RYR3: variants seen among roughly 807,000 people sequenced by gnomAD.
The protein encoded by RYR3 is brain ryanodine receptor-calcium release channel.
Under a neutral mutation model 584.3 loss-of-function variants are expected in RYR3, and 207 were observed. The observed-to-expected ratio is 0.35, with a 90% CI of 0.32 to 0.40. The LOEUF is 0.40. RYR3 is among the 10% of genes least tolerant of loss of function. The probability of loss-of-function intolerance (pLI) is 1.00; values close to 1 mark genes in which losing one functional copy is unlikely to be tolerated. For missense variants in RYR3, 5,616 were observed against 6,089.2 expected (o/e 0.92, Z 2.59); for synonymous variants, 2,416 against 2,248.5 (o/e 1.07, Z -2.11).
intron 10 of RYR3, among the ~76,000 whole-genome samples, chr15:33,561,947 C>T (rs967085037): frequency 6.6e-6 from 1 of 151,574 alleles, no homozygotes; most frequent in East Asian, 1.9e-4. Flanking sequence ...AAATAGGCAA[C>T]AGCCGTTTTT....
intron 45 of RYR3, 76 bp downstream of exon 45, chr15:33,724,252 T>G (rs1319317905): frequency 3.9e-6 from 3 of 778,050 alleles, no homozygotes; most frequent in Non-Finnish European, 6.3e-6. Context: ...GAACCTCATT[T>G]CTTCCTCTGT....
At chr15:33,862,613 G>T (rs1708385148) in intron 102 of RYR3, among the ~76,000 whole-genome samples, 1 of 152,088 alleles carries the variant, frequency 6.6e-6, no homozygotes. Context: ...TCAAAAACAT[G>T]AGTTTTGTTT....
Position 33,861,312 on chromosome 15 carries a change from T to C in RYR3, c.14465+134T>C, listed in dbSNP as rs533462120. On this transcript the variant is annotated intron_variant, in intron 102 of 103. Coordinates refer to ENST00000634891, the MANE Select transcript of RYR3 (RefSeq NM_001036.6). ...CAGGAGTCCCCATGAGCCTGTACCT[T>C]TGTCCATAGACTCTGTCTCTCCCAT... is the stretch of plus-strand genomic sequence containing the variant. 65 of 596,920 alleles carry C rather than the reference T, an allele frequency of 1.1e-4. No homozygotes were observed. The Admixed American group carries it at 1.4e-3, about 13-fold the overall frequency. The allele number at this position is 596,920 out of a possible 1,614,324, so 37.0% of individuals were successfully genotyped here.
At chr15:33,403,408 G>A (rs945860259) in intron 1 of RYR3, among the ~76,000 whole-genome samples, 1 of 152,208 alleles carries the variant, frequency 6.6e-6, no homozygotes, top group African/African-American at 2.4e-5. Flanking sequence ...ATACAGAGAA[G>A]TGCTGACTTT....
At chr15:33,459,862 G>T (rs2047868526) in intron 1 of RYR3, among the ~76,000 whole-genome samples, 1 of 152,188 alleles carries the variant, frequency 6.6e-6, no homozygotes, top group Non-Finnish European at 1.5e-5. Context: ...ATTATTGCAA[G>T]TGAGGATTCA....
intron 1 of RYR3, among the ~76,000 whole-genome samples, chr15:33,323,826 A>G (rs777681441): frequency 1.6e-4 from 25 of 152,292 alleles, no homozygotes; most frequent in Middle Eastern, 3.4e-3. Flanking sequence ...TGGCTGTGCT[A>G]AGTGCATGCC....
At chr15:33,588,465 T>C (rs1463510373) in intron 16 of RYR3, among the ~76,000 whole-genome samples, 1 of 152,230 alleles carries the variant, frequency 6.6e-6, no homozygotes, top group Non-Finnish European at 1.5e-5. Context: ...CTTTGCTTTT[T>C]TTATTTATAA....
intron 18 of RYR3, among the ~76,000 whole-genome samples, chr15:33,607,278 C>T (rs192230090): frequency 6.6e-6 from 1 of 152,310 alleles, no homozygotes; most frequent in East Asian, 1.9e-4. Context: ...TGTAATAATA[C>T]ACCCTGAGGT....
At chr15:33,449,830 G>T (rs1302990028) in intron 1 of RYR3, among the ~76,000 whole-genome samples, 3 of 152,108 alleles carry the variant, frequency 2.0e-5, no homozygotes, top group African/African-American at 7.2e-5. Flanking sequence ...GGTGTGAAAG[G>T]AAGGTATTTA....
At chr15:33,318,448 G>T (rs1451885026) in intron 1 of RYR3, among the ~76,000 whole-genome samples, 1 of 152,202 alleles carries the variant, frequency 6.6e-6, no homozygotes, top group African/African-American at 2.4e-5. Flanking sequence ...TACCACTGAT[G>T]ATTAACATCA....
intron 93 of RYR3, among the ~76,000 whole-genome samples, chr15:33,847,963 C>T (rs1225919359): frequency 6.6e-6 from 1 of 152,176 alleles, no homozygotes; most frequent in Non-Finnish European, 1.5e-5. Flanking sequence ...AGCCGAGGAG[C>T]CTTAGGAGTC....
chr15:33,824,787 T>G (rs1370157938), intron 81 of RYR3, among the ~76,000 whole-genome samples: 2 of 152,208 alleles, frequency 1.3e-5, no homozygotes, highest in Non-Finnish European at 2.9e-5. Context: ...GCCATAAACT[T>G]TCCTAAGAGC....
At chr15:33,440,657 G>A (rs969862084) in intron 1 of RYR3, among the ~76,000 whole-genome samples, 1 of 152,096 alleles carries the variant, frequency 6.6e-6, no homozygotes, top group Non-Finnish European at 1.5e-5. Flanking sequence ...ATTCTCCAAC[G>A]TGGAATTTCT....
At chr15:33,757,355 T>G (rs779676165) in intron 59 of RYR3, 120 bp from the exon 60 acceptor site, 3 of 1,134,126 alleles carry the variant, frequency 2.6e-6, no homozygotes, top group Non-Finnish European at 3.8e-6. Flanking sequence ...TAGAATTTCC[T>G]GGAAATTACA....
chr15:33,673,536 C>G (rs74005946), intron 38 of RYR3, among the ~76,000 whole-genome samples: 4 of 151,872 alleles, frequency 2.6e-5, no homozygotes, highest in Non-Finnish European at 4.4e-5. Context: ...ACTTTTTTTT[C>G]GTATCTCCAT....
intron 43 of RYR3, among the ~76,000 whole-genome samples, chr15:33,712,748 G>A (rs1034097620): frequency 6.6e-6 from 1 of 152,208 alleles, no homozygotes; most frequent in African/African-American, 2.4e-5. Flanking sequence ...TTACAGAAGA[G>A]TTTGGAGTAG....
chr15:33,472,819 A>G (rs559185248), intron 1 of RYR3, among the ~76,000 whole-genome samples: 1 of 152,116 alleles, frequency 6.6e-6, no homozygotes, highest in South Asian at 2.1e-4. Context: ...TCCTCCTCTT[A>G]CCTGATCTTC....
intron 62 of RYR3, among the ~76,000 whole-genome samples, chr15:33,770,651 G>A (rs183042931): frequency 8.7e-4 from 132 of 152,230 alleles, no homozygotes; most frequent in African/African-American, 3.0e-3. Context: ...TCGGGAGGCT[G>A]AGGTGAGAGG....
Position 33,788,396 on chromosome 15 carries a change from G to C in RYR3, c.9768G>C (p.Ala3256=), listed in dbSNP as rs375009869. The C allele has an allele frequency of 1.6e-5, 26 of 1,613,808 alleles. No individual in the cohort carries two copies. Among genetic ancestry groups the C allele is most frequent in the East Asian group, 2.2e-5 (1 of 44,898 alleles). ...AACTCCTCATCCTGGACGAGTTCGCGGTCCTCTGCAGAGATCTCTATGCCT... is the reference window on the plus strand; with the variant it reads ...AACTCCTCATCCTGGACGAGTTCGCCGTCCTCTGCAGAGATCTCTATGCCT... ...EAELLILDEF[A]VLCRDLYAFY... is the part of the protein sequence containing the mutation. Residue 3256 remains alanine (A), a synonymous_variant, in exon 67 of 104, where the codon GCG becomes GCC. Transcript: ENST00000634891.
Sources: gnomAD v4.1 joint callset for allele counts (sites outside exome capture counted in the v4.1 genomes callset) on GRCh38, gnomAD v4.1.1 for gene constraint, MANE v1.5 for transcripts, NCBI Gene and HGNC (gene_info 2026-07-23, HGNC 2026-07-21) for gene names.